Variants in PML observed in about 807,000 individuals in gnomAD.
The protein encoded by PML is protein PML.
A neutral mutation model predicts 65.2 loss-of-function variants in PML; 28 were observed. The observed-to-expected ratio is 0.43, with a 90% CI of 0.32 to 0.59. The LOEUF is 0.59. Ranked by LOEUF, PML falls within the 20% of genes least tolerant of loss-of-function variation. The pLI, the probability that PML is intolerant of heterozygous loss-of-function variation, is 0.08. For synonymous variants in PML, 500 were observed against 508.8 expected (o/e 0.98, Z 0.23); for missense variants, 1,021 against 1,203.4 (o/e 0.85, Z 2.24).
At chr15:74,041,029 C>G (rs1408843075) in intron 7 of PML, among the ~76,000 whole-genome samples, 1 of 152,220 alleles carries the variant, frequency 6.6e-6, no homozygotes, top group Non-Finnish European at 1.5e-5. Flanking sequence ...AAGAGCAGAT[C>G]TGAAGGCGGG....
At chr15:74,016,367 A>T (rs958800965) in intron 2 of PML, among the ~76,000 whole-genome samples, 1 of 152,170 alleles carries the variant, frequency 6.6e-6, no homozygotes, top group Non-Finnish European at 1.5e-5. Context: ...CAAGAATTCA[A>T]GTCCAGCCTG....
chr15:74,007,552 C>A (rs553920957), intron 2 of PML, among the ~76,000 whole-genome samples: 17 of 152,374 alleles, frequency 1.1e-4, no homozygotes, highest in African/African-American at 4.1e-4. Context: ...GAGCTCACAA[C>A]TTTCCTCTGG....
chr15:74,017,198 G>A (rs1051645326), intron 2 of PML, among the ~76,000 whole-genome samples: 36 of 152,126 alleles, frequency 2.4e-4, no homozygotes, highest in Admixed American at 1.2e-3. Flanking sequence ...TTTCTCCTTC[G>A]AGATGTAATT....
At chr15:74,038,361 AG>A (rs1050986612) in intron 7 of PML, among the ~76,000 whole-genome samples, 5 of 151,914 alleles carry the variant, frequency 3.3e-5, no homozygotes, top group Admixed American at 2.0e-4. Context: ...GAATTAAGGG[AG>A]GGGGTAAAAG....
intron 4 of PML, 62 bp downstream of exon 4, chr15:74,024,989 A>G (rs768266521): frequency 1.8e-6 from 2 of 1,082,134 alleles, no homozygotes; most frequent in African/African-American, 3.1e-5. Context: ...GCAGGTTGTG[A>G]GTCCTGCTGT....
rs189302235 is a variant in PML at position 74,047,751 on chromosome 15, A to G, written c.*2743A>G. The G allele has an allele frequency of 5.4e-6, 1 of 186,024 alleles. No homozygotes were observed. Among genetic ancestry groups the G allele is most frequent in the African/African-American group, 2.3e-5 (1 of 42,736 alleles). 11.5% of individuals were successfully genotyped at this position (186,024 alleles called of 1,614,324 possible). ...TATTTTAAAAGTGCACAAATTTAAG[A>G]TCTTACTGCTTTATAAAGTGCTTTA... On this transcript the variant is annotated 3_prime_UTR_variant, in exon 9 of 9. Transcript: ENST00000268058.
rs2141896776 is a variant in PML at position 74,043,057 on chromosome 15, C to T, written c.1779C>T (p.Leu593=). The T allele has an allele frequency of 6.2e-7, 1 of 1,613,488 alleles. No individual in the cohort carries two copies. The highest frequency in any genetic ancestry group is 1.7e-4 in the Middle Eastern group (1 of 6,060). The part of the protein sequence containing the change: ...SDLQLEGPST[L]RVLDENLADP... ...TCCAGCTGGAAGGCCCCAGCACCCTCAGGGTCCTGGACGAGAACCTTGCTG... is the reference window on the plus strand; with the variant it reads ...TCCAGCTGGAAGGCCCCAGCACCCTTAGGGTCCTGGACGAGAACCTTGCTG... The change falls in exon 8 of 9, where the codon CTC becomes CTT. Residue 593 remains leucine (L), a synonymous_variant. Transcript: ENST00000268058. The surrounding 1 kb of genome is among the most constrained non-coding windows in gnomAD (Gnocchi z 4.3).
intron 2 of PML, among the ~76,000 whole-genome samples, chr15:74,006,449 A>G (rs572670711): frequency 1.3e-5 from 2 of 152,120 alleles, no homozygotes; most frequent in East Asian, 3.9e-4. Flanking sequence ...TGCATCTAGC[A>G]TGGGTATCAC....
At position 74,044,210 on chromosome 15, in the gene PML, C is replaced by T; in HGVS notation, c.1862-11C>T. 6.2e-7 allele frequency: 1 copy of T among 1,613,620 alleles called. No homozygotes were observed. On this transcript the variant is annotated splice_polypyrimidine_tract_variant and intron_variant, in intron 8 of 8. Coordinates refer to ENST00000268058, the MANE Select transcript of PML (RefSeq NM_033238.3). The stretch of plus-strand genomic sequence containing the variant: ...CCCTGGGTCCTCACCCTGCCCTTCT[C>T]TCCTGCCCAGCCCAGAAGATTAGCC...
Position 74,042,263 on chromosome 15 carries a change from TG to T in PML, c.1711-722del. 2 of 646,296 alleles carry T rather than the reference TG, an allele frequency of 3.1e-6. No individual in the cohort carries two copies. Among genetic ancestry groups the T allele is most frequent in the Non-Finnish European group, 3.8e-6 (2 of 519,968 alleles). The allele number at this position is 646,296 out of a possible 1,614,324, so 40.0% of individuals were successfully genotyped here. ...CAAAACTCAGGTTTCTCTAAGCTGC[TG>T]GGGCAGATGCCAAGAGCCTCCACTG... On this transcript the variant is annotated intron_variant, in intron 7 of 8. Coordinates refer to ENST00000268058, the MANE Select transcript of PML (RefSeq NM_033238.3). The surrounding 1 kb of genome is among the most constrained non-coding windows in gnomAD (Gnocchi z 5.3).
At chr15:74,014,174 G>A (rs571446256) in intron 2 of PML, among the ~76,000 whole-genome samples, 108 of 152,306 alleles carry the variant, frequency 7.1e-4, no homozygotes, top group South Asian at 1.4e-3. Flanking sequence ...AGGCAGGGAG[G>A]CCTCTTAGGA....
Position 74,035,844 on chromosome 15 carries a change from C to T in PML, c.1710+1314C>T, listed in dbSNP as rs2071535639. On this transcript the variant is annotated intron_variant, in intron 7 of 8. Coordinates refer to ENST00000268058, the MANE Select transcript of PML (RefSeq NM_033238.3). This position sits in a 1 kb window ranked among gnomAD's most constrained non-coding sequence, Gnocchi z 4.1. Reference sequence around the variant, plus strand: ...TGTCAGAGGCTCCATGGAGGCCTCTCAAGTCCAAGTGCCTCTGGAAGCCTC... The same window carrying T: ...TGTCAGAGGCTCCATGGAGGCCTCTTAAGTCCAAGTGCCTCTGGAAGCCTC... 1.9e-6 allele frequency: 3 copies of T among 1,613,876 alleles called. No individual in the cohort carries two copies. The highest frequency in any genetic ancestry group is 2.5e-6 in the Non-Finnish European group (3 of 1,179,980).
chr15:73,999,360 G>A (rs1052776236), intron 2 of PML, among the ~76,000 whole-genome samples: 3 of 152,140 alleles, frequency 2.0e-5, no homozygotes, highest in Admixed American at 6.5e-5. Context: ...AGCATTTTTC[G>A]CTGGTTTTTG....
In PML at chr15:74,037,565, C is replaced by T. The variant is rs1179344998; in HGVS notation, c.1710+3035C>T. 6 of 985,306 alleles carry T rather than the reference C, an allele frequency of 6.1e-6. No individual in the cohort carries two copies. The highest frequency in any genetic ancestry group is 7.2e-6 in the Non-Finnish European group (6 of 829,934). The allele number at this position is 985,306 out of a possible 1,614,324, so 61.0% of individuals were successfully genotyped here. Reference sequence around the variant, plus strand: ...TCTGCTCTCCTTGTTTACACTTCAGCCCCCTCCTTGCCCCTTCTTCACCCC... The same window carrying T: ...TCTGCTCTCCTTGTTTACACTTCAGTCCCCTCCTTGCCCCTTCTTCACCCC... On this transcript the variant is annotated intron_variant, in intron 7 of 8. Transcript: ENST00000268058. The surrounding 1 kb of genome is among the most constrained non-coding windows in gnomAD (Gnocchi z 4.2).
intron 5 of PML, among the ~76,000 whole-genome samples, chr15:74,032,935 C>G (rs1259586508): frequency 6.6e-6 from 1 of 152,244 alleles, no homozygotes; most frequent in Non-Finnish European, 1.5e-5. Context: ...GGTGCTGAGA[C>G]ACTCAGGGTT....
At chr15:74,020,546 T>C (rs760451745) in intron 2 of PML, among the ~76,000 whole-genome samples, 27 of 152,182 alleles carry the variant, frequency 1.8e-4, no homozygotes, top group South Asian at 6.2e-4. Context: ...AGCCTTGTAA[T>C]GGTTAAGAAC....
At chr15:74,033,596 T>A in intron 6 of PML, 182 bp downstream of exon 6, 1 of 749,190 alleles carries the variant, frequency 1.3e-6, no homozygotes, top group Non-Finnish European at 2.3e-6. Context: ...GTTTACCATG[T>A]GTTTTGCCAT....
intron 2 of PML, among the ~76,000 whole-genome samples, chr15:74,003,690 T>C (rs2069894279): frequency 6.6e-6 from 1 of 152,212 alleles, no homozygotes; most frequent in Admixed American, 6.5e-5. Context: ...TGAACAGGTA[T>C]TAAGCTTCAT....
At chr15:73,995,573 A>G (rs963462635) in intron 1 of PML, among the ~76,000 whole-genome samples, 1 of 152,232 alleles carries the variant, frequency 6.6e-6, no homozygotes, top group Non-Finnish European at 1.5e-5. Flanking sequence ...ACTCCCCTTC[A>G]TGAAAGTACA....
Sources: allele counts gnomAD v4.1 joint callset (sites outside exome capture counted in the v4.1 genomes callset), GRCh38; gene constraint gnomAD v4.1.1; non-coding constraint Gnocchi (gnomAD v3.1); transcripts MANE v1.5; gene names NCBI Gene and HGNC (gene_info 2026-07-23, HGNC 2026-07-21).